DSCAM: variants seen among roughly 807,000 people sequenced by gnomAD.
The protein encoded by DSCAM is cell adhesion molecule DSCAM.
Under a neutral mutation model 217.7 loss-of-function variants are expected in DSCAM, and 47 were observed. That is an observed-to-expected ratio of 0.22 (90% CI 0.17 to 0.28). DSCAM has a LOEUF of 0.28. DSCAM is among the 10% of genes least tolerant of loss of function. DSCAM has a pLI of 1.00. For missense variants in DSCAM, 2,080 were observed against 2,618.3 expected (o/e 0.79, Z 4.49); for synonymous variants, 1,056 against 1,015.3 (o/e 1.04, Z -0.76).
rs143509317 is a variant in DSCAM at position 40,609,662 on chromosome 21, G to A, written c.508+83148C>T. 2.0e-5 allele frequency among the ~76,000 whole-genome samples: 3 copies of A among 152,360 alleles called. No homozygotes were observed. In the East Asian group the frequency reaches 5.8e-4, roughly 29 times the overall value. The stretch of plus-strand genomic sequence containing the variant: ...TGTGAGAAAAGGAAAGATGACTCAG[G>A]AAGGGGAGAGCATTGTTAGGACTGA... On this transcript the variant is annotated intron_variant, in intron 3 of 32. Coordinates refer to ENST00000400454, the MANE Select transcript of DSCAM (RefSeq NM_001389.5).
intron 1 of DSCAM, among the ~76,000 whole-genome samples, chr21:40,730,462 C>T (rs890096588): frequency 2.6e-5 from 4 of 152,190 alleles, no homozygotes; most frequent in African/African-American, 9.7e-5. Context: ...TCGCAGATTT[C>T]CAAGAGAGAG....
chr21:40,657,036 C>T (rs1047717388), intron 3 of DSCAM, among the ~76,000 whole-genome samples: 3 of 152,130 alleles, frequency 2.0e-5, no homozygotes, highest in African/African-American at 7.2e-5. Flanking sequence ...AATCTGTGCT[C>T]AATAAAGATT....
At chr21:40,833,656 ATAAAGT>A (rs2092030301) in intron 1 of DSCAM, among the ~76,000 whole-genome samples, 1 of 152,212 alleles carries the variant, frequency 6.6e-6, no homozygotes, top group African/African-American at 2.4e-5. Context: ...AAAATAGCAA[ATAAAGT>A]TAATCAATGA....
intron 32 of DSCAM, among the ~76,000 whole-genome samples, chr21:40,030,010 A>G (rs1038513525): frequency 6.6e-6 from 1 of 151,660 alleles, no homozygotes; most frequent in African/African-American, 2.4e-5. Context: ...GCGCACACAC[A>G]TGCGTGCACA....
At chr21:40,714,074 G>T (rs2090813232) in intron 1 of DSCAM, among the ~76,000 whole-genome samples, 1 of 152,182 alleles carries the variant, frequency 6.6e-6, no homozygotes, top group South Asian at 2.1e-4. Flanking sequence ...GAATGCAAAA[G>T]CTGTGGGGCA....
intron 20 of DSCAM, among the ~76,000 whole-genome samples, chr21:40,114,926 G>C (rs1285961486): frequency 5.9e-5 from 9 of 152,202 alleles, no homozygotes; most frequent in African/African-American, 2.2e-4. Context: ...AGGTGTTGGA[G>C]AGGATGTGGA....
At chr21:40,243,865 G>A (rs537603407) in intron 11 of DSCAM, among the ~76,000 whole-genome samples, 5 of 151,918 alleles carry the variant, frequency 3.3e-5, no homozygotes, top group South Asian at 2.1e-4. Context: ...ACGGTCTACC[G>A]GGGCAGTGAT....
At chr21:40,704,037 C>T (rs1419042925) in intron 2 of DSCAM, among the ~76,000 whole-genome samples, 1 of 152,092 alleles carries the variant, frequency 6.6e-6, no homozygotes, top group African/African-American at 2.4e-5. Context: ...CATATTTATA[C>T]ATTATTATTA....
chr21:40,539,319 C>T (rs1601727062), intron 3 of DSCAM, among the ~76,000 whole-genome samples: 1 of 142,280 alleles, frequency 7.0e-6, no homozygotes, highest in East Asian at 1.9e-4. Context: ...GGTGCAACGC[C>T]GTCGTCTCTA....
At chr21:40,300,426 T>C (rs917174892) in intron 9 of DSCAM, among the ~76,000 whole-genome samples, 1 of 152,238 alleles carries the variant, frequency 6.6e-6, no homozygotes, top group African/African-American at 2.4e-5. Flanking sequence ...CAGTGAGTAG[T>C]CTGGTTATGT....
chr21:40,371,484 T>C (rs1030532337), intron 3 of DSCAM, among the ~76,000 whole-genome samples: 1 of 152,004 alleles, frequency 6.6e-6, no homozygotes, highest in Non-Finnish European at 1.5e-5. Flanking sequence ...GTATTTTCAT[T>C]AGAATTGATA....
At chr21:40,195,488 A>C (rs1175962550) in intron 11 of DSCAM, among the ~76,000 whole-genome samples, 1 of 152,218 alleles carries the variant, frequency 6.6e-6, no homozygotes, top group Non-Finnish European at 1.5e-5. Context: ...GCCCAAATAC[A>C]GGAGTCCATC....
intron 1 of DSCAM, among the ~76,000 whole-genome samples, chr21:40,728,505 G>C (rs762346935): frequency 6.6e-6 from 1 of 151,756 alleles, no homozygotes; most frequent in East Asian, 1.9e-4. Flanking sequence ...TGCAACCTCC[G>C]TCTCCCGGGT....
intron 3 of DSCAM, among the ~76,000 whole-genome samples, chr21:40,487,268 T>C (rs1189854029): frequency 6.6e-6 from 1 of 151,504 alleles, no homozygotes; most frequent in Non-Finnish European, 1.5e-5. Context: ...TCTCTCTCTC[T>C]CTCTCTGTGT....
intron 3 of DSCAM, among the ~76,000 whole-genome samples, chr21:40,447,698 A>G (rs1375418300): frequency 1.3e-5 from 2 of 152,232 alleles, no homozygotes; most frequent in Non-Finnish European, 2.9e-5. Flanking sequence ...ATACATTTGT[A>G]CTTTCAGCAA....
intron 10 of DSCAM, among the ~76,000 whole-genome samples, chr21:40,289,036 A>G (rs778119794): frequency 6.6e-6 from 1 of 152,222 alleles, no homozygotes; most frequent in African/African-American, 2.4e-5. Context: ...CCCTTTGTAT[A>G]TAAACAATAG....
chr21:40,476,044 C>T (rs549621691), intron 3 of DSCAM, among the ~76,000 whole-genome samples: 1 of 152,278 alleles, frequency 6.6e-6, no homozygotes, highest in South Asian at 2.1e-4. Flanking sequence ...CCATGCTGTA[C>T]TAACCACCTC....
intron 3 of DSCAM, among the ~76,000 whole-genome samples, chr21:40,686,417 ACAC>A (rs1347683632): frequency 2.6e-5 from 4 of 152,008 alleles, no homozygotes; most frequent in South Asian, 4.2e-4. Flanking sequence ...ACGTATGCAC[ACAC>A]CACACCAAAC....
chr21:40,048,693 T>C (rs1342922577), intron 30 of DSCAM, among the ~76,000 whole-genome samples: 1 of 152,220 alleles, frequency 6.6e-6, no homozygotes, highest in African/African-American at 2.4e-5. Context: ...TCACGATGTG[T>C]TCTCTAGCTG....
Sources: allele counts gnomAD v4.1 joint callset (sites outside exome capture counted in the v4.1 genomes callset), GRCh38; gene constraint gnomAD v4.1.1; transcripts MANE v1.5; gene names NCBI Gene and HGNC (gene_info 2026-07-23, HGNC 2026-07-21).